TNRC6C: variants seen among roughly 807,000 people sequenced by gnomAD.
The protein encoded by TNRC6C is trinucleotide repeat containing adaptor 6C.
Under a neutral mutation model 153.7 loss-of-function variants are expected in TNRC6C, and 20 were observed. That is an observed-to-expected ratio of 0.13 (90% CI 0.09 to 0.19). The LOEUF is 0.19. TNRC6C is among the 10% of genes least tolerant of loss of function. The probability of loss-of-function intolerance (pLI) is 1.00; values close to 1 mark genes in which losing one functional copy is unlikely to be tolerated. For synonymous variants in TNRC6C, 811 were observed against 841.4 expected (o/e 0.96, Z 0.63); for missense variants, 1,987 against 2,172.0 (o/e 0.91, Z 1.69).
chr17:78,087,257 C>G (rs1423843648), intron 13 of TNRC6C, among the ~76,000 whole-genome samples, 164 bp downstream of exon 15: 1 of 152,034 alleles, frequency 6.6e-6, no homozygotes, highest in Non-Finnish European at 1.5e-5. Context: ...GCAGGTATCT[C>G]AAGGCTTTTT....
At chr17:77,990,893 A>T (rs2071239761) in intron 1 of TNRC6C, among the ~76,000 whole-genome samples, 1 of 152,174 alleles carries the variant, frequency 6.6e-6, no homozygotes. Flanking sequence ...TATTTCATTT[A>T]TTCTAAGAAG....
intron 1 of TNRC6C, 66 bp downstream of exon 3, chr17:78,005,145 C>CG (rs2071474429): frequency 1.0e-6 from 1 of 997,018 alleles, no homozygotes; most frequent in East Asian, 3.7e-5. Flanking sequence ...ACCAGGATGA[C>CG]TTTTTTTTTT....
intron 6 of TNRC6C, 72 bp from the exon 9 acceptor site, chr17:78,072,965 T>C: frequency 1.8e-6 from 2 of 1,121,416 alleles, no homozygotes; most frequent in Non-Finnish European, 2.6e-6. Context: ...AAGTTGATAG[T>C]GATTAAATTG....
At chr17:77,977,447 ACTC>A (rs530149627) in intron 1 of TNRC6C, among the ~76,000 whole-genome samples, 60 of 152,212 alleles carry the variant, frequency 3.9e-4, no homozygotes, top group African/African-American at 1.4e-3. Context: ...ATGAAAAGGA[ACTC>A]CTTGTCTCCG....
intron 1 of TNRC6C, among the ~76,000 whole-genome samples, chr17:77,979,861 AGACG>A (rs1345479981): frequency 6.6e-6 from 1 of 152,272 alleles, no homozygotes; most frequent in East Asian, 1.9e-4. Flanking sequence ...GCGGCAGTAA[AGACG>A]GACAGTCTAC....
At chr17:78,019,061 A>G (rs1439650471) in intron 1 of TNRC6C, among the ~76,000 whole-genome samples, 1 of 152,124 alleles carries the variant, frequency 6.6e-6, no homozygotes. Context: ...GATGATACAG[A>G]AGTATGGATA....
chr17:77,987,173 A>T (rs2071182093), intron 1 of TNRC6C, among the ~76,000 whole-genome samples: 1 of 152,202 alleles, frequency 6.6e-6, no homozygotes, highest in Non-Finnish European at 1.5e-5. Flanking sequence ...CCCACTAAGA[A>T]CTGAAGAGAC....
intron 16 of TNRC6C, among the ~76,000 whole-genome samples, chr17:78,096,041 A>T (rs1428975275): frequency 1.3e-5 from 2 of 152,154 alleles, no homozygotes; most frequent in African/African-American, 4.8e-5. Context: ...ACAGAGCAAG[A>T]CTTCGTCTCA....
chr17:78,051,480 TAAAAA>T (rs201980311), intron 3 of TNRC6C, 32 bp downstream of exon 5: 1,670 of 1,130,104 alleles, frequency 1.5e-3, no homozygotes, highest in South Asian at 7.2e-3. Flanking sequence ...TCTTTACAAG[TAAAAA>T]AAAAAAAAAA....
chr17:78,079,289 T>C lies in TNRC6C; in HGVS notation c.3211-106T>C. 6.6e-7 allele frequency: 1 copy of C among 1,504,266 alleles called. No homozygotes were observed. The allele number at this position is 1,504,266 out of a possible 1,614,324, so 93.2% of individuals were successfully genotyped here. Reference sequence around the variant, plus strand: ...GGTACAAGTTGACAGTGGTAGGAAGTAGAAACAATTTTGCATTCACTTGAA... The same window carrying C: ...GGTACAAGTTGACAGTGGTAGGAAGCAGAAACAATTTTGCATTCACTTGAA... On this transcript the variant is annotated intron_variant, in intron 9 of 19. Coordinates refer to ENST00000301624, the Ensembl canonical transcript of TNRC6C. This position sits in a 1 kb window ranked among gnomAD's most constrained non-coding sequence, Gnocchi z 4.3.
intron 3 of TNRC6C, 121 bp from the exon 6 acceptor site, chr17:78,064,601 C>A: frequency 1.1e-6 from 1 of 942,344 alleles, no homozygotes; most frequent in Non-Finnish European, 1.6e-6. Context: ...AAATTTTCTA[C>A]TAAAGGCTAT....
chr17:78,105,743 T>TCAGTATA (rs2144691240), exon 20 of TNRC6C: 1 of 152,358 alleles, frequency 6.6e-6, no homozygotes, highest in East Asian at 1.9e-4. Flanking sequence ...TCCCTTGTAT[T>TCAGTATA]CAGTATACGC....
intron 1 of TNRC6C, among the ~76,000 whole-genome samples, chr17:78,022,384 C>T (rs1376712701): frequency 6.6e-6 from 1 of 152,208 alleles, no homozygotes; most frequent in Non-Finnish European, 1.5e-5. Flanking sequence ...GAAAAATGGA[C>T]TGATAACATT....
At chr17:78,077,389 AAAT>A in intron 9 of TNRC6C, 55 bp downstream of exon 11, 9 of 1,549,372 alleles carry the variant, frequency 5.8e-6, no homozygotes, top group Non-Finnish European at 5.2e-6. Context: ...GCCTTCTAAA[AAAT>A]GTGTTTGAGA....
intron 1 of TNRC6C, among the ~76,000 whole-genome samples, chr17:78,017,852 C>T (rs1454972748): frequency 6.6e-6 from 1 of 152,168 alleles, no homozygotes; most frequent in African/African-American, 2.4e-5. Context: ...TTTGTAGGTA[C>T]GAGGTGCGCA....
exon 3 of TNRC6C, chr17:78,050,180 C>A: frequency 1.3e-6 from 2 of 1,558,250 alleles, no homozygotes; most frequent in South Asian, 2.5e-5. Context: ...AGCCAGAACC[C>A]TACCGTACAG....
At chr17:77,965,028 A>G (rs924375739) in intron 1 of TNRC6C, among the ~76,000 whole-genome samples, 36 of 152,216 alleles carry the variant, frequency 2.4e-4, no homozygotes, top group African/African-American at 8.4e-4. Flanking sequence ...AGGTAACCAG[A>G]TCTCCATTTA....
chr17:78,103,331 A>AT, intron 18 of TNRC6C, 83 bp from the exon 22 acceptor site: 1 of 1,533,362 alleles, frequency 6.5e-7, no homozygotes, highest in Non-Finnish European at 8.9e-7. Flanking sequence ...AGTGTATCCA[A>AT]TTTCATACGT....
At position 78,049,735 on chromosome 17, in the gene TNRC6C, C is replaced by G. The variant is rs1334452747; in HGVS notation, c.673C>G (p.Leu225Val). Reference sequence around the variant, plus strand: ...CATCATCCCGCCCCACCTGCAAGGCCTTCCTGGTGCTAATGGATCATCAGT... The same window carrying G: ...CATCATCCCGCCCCACCTGCAAGGCGTTCCTGGTGCTAATGGATCATCAGT... The change falls in exon 3 of 20, where the codon CTT becomes GTT. Residue 225 changes from leucine (L) to valine (V), a missense_variant. Physicochemically the swap from Leu to Val is conservative, Grantham distance 32 (BLOSUM62 1). Coordinates refer to ENST00000301624, the Ensembl canonical transcript of TNRC6C. This position sits in a 1 kb window ranked among gnomAD's most constrained non-coding sequence, Gnocchi z 4.1. 6.3e-7 allele frequency: 1 copy of G among 1,592,296 alleles called. No individual in the cohort carries two copies. Among genetic ancestry groups the G allele is most frequent in the East Asian group, 2.2e-5 (1 of 44,674 alleles).
Sources: gnomAD v4.1 joint callset for allele counts (sites outside exome capture counted in the v4.1 genomes callset) on GRCh38, gnomAD v4.1.1 for gene constraint, Gnocchi (gnomAD v3.1) non-coding constraint, MANE v1.5 for transcripts, NCBI Gene and HGNC (gene_info 2026-07-23, HGNC 2026-07-21) for gene names.